EVL: variants seen among roughly 807,000 people sequenced by gnomAD.
EVL encodes the protein ena/VASP-like protein.
In EVL, 21 loss-of-function variants were observed where a neutral mutation model predicts 59.6. The observed-to-expected ratio is 0.35, with a 90% confidence interval of 0.25 to 0.51. The LOEUF (loss-of-function observed/expected upper bound fraction) is 0.51, where lower values mean the gene tolerates loss of function less well. Among genes scored for constraint, EVL ranks in the 20% least tolerant of loss-of-function variants. EVL has a pLI of 0.97. For synonymous variants in EVL, 198 were observed against 203.5 expected, an observed-to-expected ratio of 0.97 and a Z score of 0.23; for missense variants, 462 against 546.6, an observed-to-expected ratio of 0.85 and a Z score of 1.54.
At chr14:100,066,008 A>G (rs530745201) in intron 1 of EVL, among the ~76,000 whole-genome samples, 15 of 152,316 alleles carry the variant, frequency 9.8e-5, no homozygotes, top group Middle Eastern at 3.4e-3. Flanking sequence ...GACTTAGGCT[A>G]TTGCTGTTGA....
chr14:100,123,640 C>A, intron 4 of EVL, 38 bp downstream of exon 4: 2 of 1,610,268 alleles, frequency 1.2e-6, no homozygotes, highest in East Asian at 2.2e-5. Context: ...TGGTCATCTC[C>A]CAATCAGGCT....
chr14:100,047,028 C>T (rs1309419615), intron 1 of EVL, among the ~76,000 whole-genome samples: 2 of 150,358 alleles, frequency 1.3e-5, no homozygotes, highest in African/African-American at 4.9e-5. Flanking sequence ...GCTGGGATTA[C>T]AGGCGTGAGC....
chr14:100,103,874 T>C (rs1322863536), intron 3 of EVL, among the ~76,000 whole-genome samples: 1 of 152,228 alleles, frequency 6.6e-6, no homozygotes, highest in East Asian at 1.9e-4. Context: ...CAAGGAGGTA[T>C]GTGCTTTTCT....
chr14:100,115,602 T>TA (rs1417322127), intron 3 of EVL, among the ~76,000 whole-genome samples: 1 of 152,182 alleles, frequency 6.6e-6, no homozygotes, highest in Non-Finnish European at 1.5e-5. Context: ...CAGCTTTACC[T>TA]ATTGGTCACC....
intron 3 of EVL, chr14:100,102,517 T>C (rs1886286477): frequency 2.6e-6 from 1 of 380,980 alleles, no homozygotes; most frequent in South Asian, 2.0e-5. Context: ...TGGAGAAACT[T>C]CTTGTTTAGC....
chr14:100,131,914 G>A (rs945152742), intron 7 of EVL, among the ~76,000 whole-genome samples: 2 of 152,164 alleles, frequency 1.3e-5, no homozygotes, highest in Non-Finnish European at 2.9e-5. Flanking sequence ...CTGTAGCTGA[G>A]GAGGCTGCCA....
At chr14:99,984,089 C>T (rs938052637) in intron 1 of EVL, among the ~76,000 whole-genome samples, 1 of 152,170 alleles carries the variant, frequency 6.6e-6, no homozygotes, top group Non-Finnish European at 1.5e-5. Context: ...TGGCATTCAT[C>T]CCAGTTTGGC....
chr14:100,123,462 A>ATC lies in EVL; in HGVS notation c.359-76_359-75insCT, dbSNP rs1746584904. 4.8e-6 allele frequency: 7 copies of ATC among 1,458,752 alleles called. No individual in the cohort carries two copies. In the Admixed American group the frequency reaches 1.3e-4, roughly 27 times the overall value. 90.4% of individuals were successfully genotyped at this position (1,458,752 alleles called of 1,614,324 possible). The stretch of plus-strand genomic sequence containing the variant: ...TTCTGCAGCCAGAAGGTGGGCAGAG[A>ATC]TAGAGAGCACTCCAGTTGGGTTTGC... On this transcript the variant is annotated intron_variant, in intron 3 of 13. Transcript: ENST00000392920.
chr14:100,042,022 C>T (rs905992874), intron 1 of EVL, among the ~76,000 whole-genome samples: 10 of 151,936 alleles, frequency 6.6e-5, no homozygotes, highest in African/African-American at 2.4e-4. Context: ...ATTTAATAAC[C>T]ATATGAACTA....
Position 99,994,914 on chromosome 14 carries a change from C to T in EVL, c.5+22857C>T, listed in dbSNP as rs555514538. On this transcript the variant is annotated intron_variant, in intron 1 of 13. Coordinates refer to the EVL transcript ENST00000402714. ...TTCATTTTGAAGGACAGTTTTGCTG[C>T]ATGTAGTATTCTTATTTGACAGTTA... Among the ~76,000 whole-genome samples, 3 of 152,256 alleles carry T rather than the reference C, an allele frequency of 2.0e-5. No individual in the cohort carries two copies. The East Asian group carries it at 5.8e-4, about 29-fold the overall frequency.
At position 100,019,826 on chromosome 14, in the gene EVL, C is replaced by T. The variant is rs981373973; in HGVS notation, c.5+47769C>T. The T allele has an allele frequency of 3.6e-6, 3 of 834,748 alleles. No homozygotes were observed. The African/African-American group carries it at 5.2e-5, about 14-fold the overall frequency. The allele number at this position is 834,748 out of a possible 1,614,324, so 51.7% of individuals were successfully genotyped here. On this transcript the variant is annotated intron_variant, in intron 1 of 13. Transcript: ENST00000402714. Reference sequence around the variant, plus strand: ...TTTTCAGCTTGTGGTGGGGTTTATCCCAGTCATGGGGGTGGGAGGTGCAGA... The same window carrying T: ...TTTTCAGCTTGTGGTGGGGTTTATCTCAGTCATGGGGGTGGGAGGTGCAGA...
chr14:100,053,790 A>G (rs1022882644), intron 1 of EVL, among the ~76,000 whole-genome samples: 1 of 152,300 alleles, frequency 6.6e-6, no homozygotes, highest in Non-Finnish European at 1.5e-5. Flanking sequence ...CTGGGACTAT[A>G]GGCACATGCT....
chr14:100,085,086 C>A (rs564548303), intron 2 of EVL: 11 of 436,704 alleles, frequency 2.5e-5, no homozygotes, highest in Non-Finnish European at 4.1e-5. Context: ...GACAGTAATC[C>A]GCACCCTGCC....
At chr14:99,986,905 A>G (rs1447281779) in intron 1 of EVL, among the ~76,000 whole-genome samples, 3 of 152,234 alleles carry the variant, frequency 2.0e-5, no homozygotes, top group South Asian at 2.1e-4. Flanking sequence ...AATTCAACTT[A>G]AAGTAGATTG....
At chr14:99,979,132 G>T (rs529561010) in intron 1 of EVL, among the ~76,000 whole-genome samples, 76 of 152,042 alleles carry the variant, frequency 5.0e-4, no homozygotes, top group Non-Finnish European at 9.4e-4. Context: ...GGAGGTGTAA[G>T]GAACTAGACA....
chr14:100,033,976 A>G (rs963682721), intron 1 of EVL, among the ~76,000 whole-genome samples: 33 of 152,170 alleles, frequency 2.2e-4, no homozygotes, highest in African/African-American at 6.0e-4. Flanking sequence ...CTGTAATCCC[A>G]GAACTTCAGG....
chr14:100,074,490 A>G (rs1285629416), intron 1 of EVL: 4 of 152,264 alleles, frequency 2.6e-5, no homozygotes, highest in Non-Finnish European at 4.4e-5. Context: ...AGATGATTCT[A>G]CTTGTTTTAC....
At chr14:100,019,807 G>A (rs2061088836) in intron 1 of EVL, 2 of 997,336 alleles carry the variant, frequency 2.0e-6, no homozygotes, top group Non-Finnish European at 1.5e-6. Flanking sequence ...GTTCTTTTCA[G>A]CTTGTGGTGG....
chr14:100,080,019 T>C (rs953716501), intron 1 of EVL, among the ~76,000 whole-genome samples: 8 of 152,102 alleles, frequency 5.3e-5, no homozygotes, highest in South Asian at 2.1e-4. Flanking sequence ...AGGTCTATGA[T>C]TAGGTTTCAG....
Sources: allele counts gnomAD v4.1 joint callset (sites outside exome capture counted in the v4.1 genomes callset), GRCh38; gene constraint gnomAD v4.1.1; transcripts MANE v1.5; gene names NCBI Gene and HGNC (gene_info 2026-07-23, HGNC 2026-07-21).